Variants in P4HA1 observed in about 807,000 individuals in gnomAD.
The protein encoded by P4HA1 is prolyl 4-hydroxylase subunit alpha-1.
Under a neutral mutation model 72.8 loss-of-function variants are expected in P4HA1, and 24 were observed. The ratio of observed to expected loss-of-function variants is 0.33; its 90% CI spans 0.24 to 0.46. P4HA1 has a LOEUF of 0.46. Ranked by LOEUF, P4HA1 falls within the 20% of genes least tolerant of loss-of-function variation. The pLI is 1.00. For missense variants in P4HA1, 446 were observed against 640.6 expected, an observed-to-expected ratio of 0.70 and a Z score of 3.28; for synonymous variants, 201 against 218.8, an observed-to-expected ratio of 0.92 and a Z score of 0.72.
chr10:73,042,138 T>A (rs1393543071), intron 9 of P4HA1, among the ~76,000 whole-genome samples: 1 of 152,200 alleles, frequency 6.6e-6, no homozygotes, highest in African/African-American at 2.4e-5. Context: ...CTCTTGTTAA[T>A]CTGTCTTTTG....
At chr10:73,030,400 G>C in intron 9 of P4HA1, 30 bp from the exon 10 acceptor site, 1 of 1,214,216 alleles carries the variant, frequency 8.2e-7, no homozygotes, top group Non-Finnish European at 1.2e-6. Flanking sequence ...TAGTTTTATT[G>C]ATAATGTTTC....
intron 1 of P4HA1, among the ~76,000 whole-genome samples, chr10:73,090,870 G>A (rs1245256435): frequency 4.0e-5 from 6 of 151,672 alleles, no homozygotes; most frequent in South Asian, 2.1e-4. Flanking sequence ...AGACCCGCCC[G>A]GCCAAGATGG....
intron 4 of P4HA1, among the ~76,000 whole-genome samples, chr10:73,070,345 C>A (rs929301184): frequency 6.6e-6 from 1 of 151,334 alleles, no homozygotes; most frequent in East Asian, 1.9e-4. Flanking sequence ...TTAGTAGAGA[C>A]GGGTTTTCAC....
Position 73,068,609 on chromosome 10 carries a change from TTAAG to T in P4HA1, c.463+233_463+236del, listed in dbSNP as rs373917932. Among the ~76,000 whole-genome samples the T allele has an allele frequency of 1.8e-3, 271 of 152,284 alleles. 3 individuals carry two copies. Among genetic ancestry groups the T allele is most frequent in the African/African-American group, 6.2e-3 (257 of 41,574 alleles). ...TTCCTTACACACTAAAATTCCCTAC[TTAAG>T]TTAGTCTCTATCAATACAAGCTTTC... On this transcript the variant is annotated intron_variant, in intron 5 of 14. Coordinates refer to ENST00000394890, the MANE Select transcript of P4HA1 (RefSeq NM_001017962.3).
chr10:73,039,854 C>CTTTTTT (rs765288935), intron 9 of P4HA1, among the ~76,000 whole-genome samples: 36 of 86,996 alleles, frequency 4.1e-4, no homozygotes, highest in East Asian at 1.6e-3. Flanking sequence ...CTGAGATGGC[C>CTTTTTT]TTTTTTTTTT....
intron 1 of P4HA1, among the ~76,000 whole-genome samples, chr10:73,077,116 C>T (rs973797145): frequency 2.0e-5 from 3 of 152,246 alleles, no homozygotes; most frequent in African/African-American, 7.2e-5. Context: ...GATGTAGACA[C>T]TTCCTCTCCT....
At chr10:73,066,922 T>C (rs1487516838) in intron 5 of P4HA1, among the ~76,000 whole-genome samples, 1 of 152,174 alleles carries the variant, frequency 6.6e-6, no homozygotes, top group African/African-American at 2.4e-5. Flanking sequence ...TTAAACCTCT[T>C]TTTTAAAATA....
intron 5 of P4HA1, among the ~76,000 whole-genome samples, chr10:73,060,204 G>A (rs557292781): frequency 2.0e-5 from 3 of 152,126 alleles, no homozygotes; most frequent in Non-Finnish European, 4.4e-5. Context: ...AATAGTATGA[G>A]TTAATAGTAT....
chr10:73,023,522 G>A (rs1840187081), intron 10 of P4HA1, among the ~76,000 whole-genome samples: 1 of 152,080 alleles, frequency 6.6e-6, no homozygotes, highest in South Asian at 2.1e-4. Flanking sequence ...GGAACAACTG[G>A]TACCAGCCAC....
chr10:73,052,590 T>G (rs1017417073), intron 6 of P4HA1, among the ~76,000 whole-genome samples: 1 of 152,236 alleles, frequency 6.6e-6, no homozygotes, highest in Non-Finnish European at 1.5e-5. Context: ...ACCAATATCT[T>G]GATTTATTAT....
intron 10 of P4HA1, among the ~76,000 whole-genome samples, chr10:73,029,681 T>C (rs1840388589): frequency 6.6e-6 from 1 of 151,938 alleles, no homozygotes; most frequent in Non-Finnish European, 1.5e-5. Flanking sequence ...GAGATTATTA[T>C]ACATGGATTT....
intron 9 of P4HA1, among the ~76,000 whole-genome samples, chr10:73,035,915 G>A (rs907123139): frequency 1.3e-5 from 2 of 152,012 alleles, no homozygotes; most frequent in African/African-American, 4.8e-5. Flanking sequence ...TCGGCCAGGC[G>A]CAGTGGCTCA....
intron 9 of P4HA1, 30 bp downstream of exon 9, chr10:73,044,951 G>A (rs202165324): frequency 6.4e-7 from 1 of 1,564,676 alleles, no homozygotes; most frequent in African/African-American, 1.4e-5. Context: ...CTCATTAGAG[G>A]GCAAAATATG....
chr10:73,087,915 GAA>G (rs1052447721), intron 1 of P4HA1, among the ~76,000 whole-genome samples: 55 of 151,626 alleles, frequency 3.6e-4, no homozygotes, highest in African/African-American at 1.3e-3. Flanking sequence ...TAATTTTGAT[GAA>G]GTCTAATTTA....
At chr10:73,057,523 C>T (rs1380254726) in intron 5 of P4HA1, among the ~76,000 whole-genome samples, 1 of 151,608 alleles carries the variant, frequency 6.6e-6, no homozygotes, top group East Asian at 1.9e-4. Context: ...AAAACACACA[C>T]AAAGACAAAA....
chr10:73,055,441 T>C (rs1464136812), intron 5 of P4HA1, among the ~76,000 whole-genome samples: 1 of 152,200 alleles, frequency 6.6e-6, no homozygotes, highest in Non-Finnish European at 1.5e-5. Flanking sequence ...TGACCTCACG[T>C]GATCCACCCA....
chr10:73,025,515 A>T (rs1289663094), intron 10 of P4HA1, among the ~76,000 whole-genome samples: 2 of 152,156 alleles, frequency 1.3e-5, no homozygotes, highest in African/African-American at 4.8e-5. Context: ...ATCATACTGA[A>T]TGGGCAAAAA....
rs869244017 is a variant in P4HA1 at position 73,058,090 on chromosome 10, G to GAAAAA, written c.464-4505_464-4501dup. Among the ~76,000 whole-genome samples, 4 of 23,072 alleles carry GAAAAA rather than the reference G, an allele frequency of 1.7e-4. 1 individual carries two copies. The highest frequency in any genetic ancestry group is 5.8e-4 in the African/African-American group (4 of 6,932). The allele number at this position is 23,072 out of a possible 152,430, so 15.1% of individuals were successfully genotyped here. ...GGGTGACAGAGCAAGACTCCGTCCA[G>GAAAAA]AAAAAAAAAAAAAAAAAAAAAAAAA... On this transcript the variant is annotated intron_variant, in intron 5 of 14. Transcript: ENST00000394890.
chr10:73,052,370 T>C (rs768112094), intron 6 of P4HA1, among the ~76,000 whole-genome samples: 8 of 152,202 alleles, frequency 5.3e-5, no homozygotes, highest in African/African-American at 9.7e-5. Flanking sequence ...ATTAACCTAA[T>C]TTTGTAAAAG....
Sources: allele counts gnomAD v4.1 joint callset (sites outside exome capture counted in the v4.1 genomes callset), GRCh38; gene constraint gnomAD v4.1.1; transcripts MANE v1.5; gene names NCBI Gene and HGNC (gene_info 2026-07-23, HGNC 2026-07-21).